The following MOK variants were observed in gnomAD, a reference collection of about 807,000 sequenced individuals.
The protein encoded by MOK is MOK protein kinase, also known as MAPK/MAK/MRK overlapping kinase.
In MOK, 59 loss-of-function variants were observed where a neutral mutation model predicts 54.2. That is an observed-to-expected ratio of 1.09 (90% CI 0.88 to 1.35). MOK has a LOEUF of 1.35. Ranked by LOEUF, MOK falls within the 40% of genes most tolerant of loss-of-function variation. The probability of loss-of-function intolerance (pLI) is 0.00; values close to 1 mark genes in which losing one functional copy is unlikely to be tolerated. For synonymous variants in MOK, 210 were observed against 202.7 expected (o/e 1.04, Z -0.31); for missense variants, 517 against 526.2 (o/e 0.98, Z 0.17).
chr14:102,234,246 T>C (rs1567138732), intron 7 of MOK: 1 of 159,556 alleles, frequency 6.3e-6, no homozygotes, highest in Non-Finnish European at 1.4e-5. Context: ...CTCTCTCTCT[T>C]TTTCTCTCTC....
chr14:102,280,366 G>A (rs572785350), intron 2 of MOK, among the ~76,000 whole-genome samples: 3 of 152,024 alleles, frequency 2.0e-5, no homozygotes, highest in East Asian at 3.9e-4. Flanking sequence ...ACACTACCGC[G>A]CCCGGCTGAT....
chr14:102,232,194 T>C lies in MOK; in HGVS notation c.866+341A>G, dbSNP rs74577116. On this transcript the variant is annotated intron_variant, in intron 9 of 11. Coordinates refer to ENST00000361847, the MANE Select transcript of MOK (RefSeq NM_014226.3). The surrounding 1 kb of genome is among the most constrained non-coding windows in gnomAD (Gnocchi z 5.1). ...CAGCGCCAGGTGACATCCACAGTGC[T>C]CTACCATCTCAGAATGCATCCTGTT... 1,840 of 343,732 alleles carry C rather than the reference T, an allele frequency of 5.4e-3. 40 individuals are homozygous for C. Among genetic ancestry groups the C allele is most frequent in the East Asian group, 0.036 (719 of 20,142 alleles). 21.3% of individuals were successfully genotyped at this position (343,732 alleles called of 1,614,324 possible). A position where few individuals can be genotyped will look rare whatever the true frequency, so the allele number is the denominator to read the frequency against.
chr14:102,239,328 A>C (rs1414373757), intron 7 of MOK, among the ~76,000 whole-genome samples: 2 of 128,210 alleles, frequency 1.6e-5, no homozygotes, highest in Non-Finnish European at 3.8e-5. Context: ...GCCAGCCCAA[A>C]GGCACCCTCC....
In MOK at chr14:102,240,394, G is replaced by A. The variant is rs1259280450; in HGVS notation, c.591-6605C>T. 1 of 163,518 alleles carries A rather than the reference G, an allele frequency of 6.1e-6. No homozygotes were observed. Among genetic ancestry groups the A allele is most frequent in the African/African-American group, 2.4e-5 (1 of 41,518 alleles). 10.1% of individuals were successfully genotyped at this position (163,518 alleles called of 1,614,324 possible). A position where few individuals can be genotyped will look rare whatever the true frequency, so the allele number is the denominator to read the frequency against. On this transcript the variant is annotated intron_variant, in intron 7 of 11. Coordinates refer to ENST00000361847, the MANE Select transcript of MOK (RefSeq NM_014226.3). The surrounding 1 kb of genome is among the most constrained non-coding windows in gnomAD (Gnocchi z 5.4). ...TCCCCTGTCCTTGCCCTCACTCCGTGAGGAGATCTACCTACAACCTCGGGT... is the reference window on the plus strand; with the variant it reads ...TCCCCTGTCCTTGCCCTCACTCCGTAAGGAGATCTACCTACAACCTCGGGT...
At chr14:102,253,540 A>G (rs1332797986) in intron 4 of MOK, among the ~76,000 whole-genome samples, 1 of 152,218 alleles carries the variant, frequency 6.6e-6, no homozygotes, top group African/African-American at 2.4e-5. Flanking sequence ...AAGCAGTTCA[A>G]CTGCTTTCAG....
intron 1 of MOK, among the ~76,000 whole-genome samples, chr14:102,286,074 C>T (rs537436042): frequency 1.7e-4 from 23 of 133,682 alleles, no homozygotes; most frequent in Non-Finnish European, 3.1e-4. Context: ...CCGAGGCGGG[C>T]GGATCACGAG....
intron 7 of MOK, among the ~76,000 whole-genome samples, chr14:102,250,382 G>C (rs1394579303): frequency 6.6e-6 from 1 of 152,156 alleles, no homozygotes; most frequent in East Asian, 1.9e-4. Context: ...GGAGGATGGA[G>C]CAGGGAGGGG....
At chr14:102,280,709 A>T (rs867385990) in intron 2 of MOK, 1 of 152,212 alleles carries the variant, frequency 6.6e-6, no homozygotes. Flanking sequence ...GGAAGCCAAG[A>T]TTCTGGTGGA....
chr14:102,216,618 C>T, the MOK span, among the ~76,000 whole-genome samples: 1 of 151,980 alleles, frequency 6.6e-6, no homozygotes, highest in African/African-American at 2.4e-5. Context: ...CTAGTTTGTA[C>T]CTTCAAAAAA....
chr14:102,221,614 G>A (rs1260577409), downstream of MOK, among the ~76,000 whole-genome samples: 1 of 152,188 alleles, frequency 6.6e-6, no homozygotes, highest in Non-Finnish European at 1.5e-5. This position sits in a 1 kb window ranked among gnomAD's most constrained non-coding sequence, Gnocchi z 4.8. Flanking sequence ...GCCACATTCC[G>A]TTTGCTTCCT....
At chr14:102,268,634 G>A (rs1046198899) in intron 2 of MOK, among the ~76,000 whole-genome samples, 2 of 152,038 alleles carry the variant, frequency 1.3e-5, no homozygotes, top group Admixed American at 1.3e-4. Context: ...TGTAAAGATC[G>A]GCTGGGCACG....
chr14:102,250,353 G>T (rs949363508), intron 7 of MOK, among the ~76,000 whole-genome samples: 12 of 150,922 alleles, frequency 8.0e-5, no homozygotes, highest in South Asian at 2.1e-4. Context: ...GCCAAAGGCT[G>T]GGGGGGAGTG....
chr14:102,262,002 G>A (rs1319007250), intron 4 of MOK, among the ~76,000 whole-genome samples: 2 of 150,734 alleles, frequency 1.3e-5, no homozygotes, highest in Admixed American at 6.6e-5. Flanking sequence ...CACCACGCCC[G>A]GCTAATTTTT....
intron 1 of MOK, among the ~76,000 whole-genome samples, chr14:102,301,813 A>T (rs1263657823): frequency 6.6e-6 from 1 of 152,278 alleles, no homozygotes; most frequent in Non-Finnish European, 1.5e-5. Context: ...ACCATCTAAA[A>T]GAACATACCA....
At chr14:102,255,036 CTT>C (rs1419692984) in intron 4 of MOK, among the ~76,000 whole-genome samples, 2 of 152,168 alleles carry the variant, frequency 1.3e-5, no homozygotes, top group Non-Finnish European at 2.9e-5. Context: ...ACCTAGAAGT[CTT>C]TTAAAAAGCT....
At chr14:102,287,598 A>G (rs1179834874) in intron 1 of MOK, among the ~76,000 whole-genome samples, 1 of 152,216 alleles carries the variant, frequency 6.6e-6, no homozygotes, top group African/African-American at 2.4e-5. Context: ...AGAAGACATA[A>G]AAATGACCAA....
intron 1 of MOK, among the ~76,000 whole-genome samples, chr14:102,284,624 A>AG (rs1341373515): frequency 6.6e-6 from 1 of 152,232 alleles, no homozygotes; most frequent in Non-Finnish European, 1.5e-5. Flanking sequence ...ACATTGGCAG[A>AG]GAACGGTCTG....
At chr14:102,214,755 G>C in the MOK span, 2 of 978,828 alleles carry the variant, frequency 2.0e-6, no homozygotes, top group South Asian at 9.4e-5. Flanking sequence ...ATTTCATAAA[G>C]AGCCTTCCTA....
intron 1 of MOK, among the ~76,000 whole-genome samples, chr14:102,294,840 C>T (rs1406448056): frequency 6.6e-6 from 1 of 152,136 alleles, no homozygotes; most frequent in African/African-American, 2.4e-5. Flanking sequence ...GTGCCAATGT[C>T]CCAGGCTGGC....
Sources: allele counts gnomAD v4.1 joint callset (sites outside exome capture counted in the v4.1 genomes callset), GRCh38; gene constraint gnomAD v4.1.1; non-coding constraint Gnocchi (gnomAD v3.1); transcripts MANE v1.5; gene names NCBI Gene and HGNC (gene_info 2026-07-23, HGNC 2026-07-21).